The following TIAM2 variants were observed in gnomAD, a reference collection of about 807,000 sequenced individuals.
The protein encoded by TIAM2 is rho guanine nucleotide exchange factor TIAM2.
In TIAM2, 80 loss-of-function variants were observed where a neutral mutation model predicts 152.9. The ratio of observed to expected loss-of-function variants is 0.52; its 90% CI spans 0.44 to 0.63. TIAM2 has a LOEUF of 0.63. Ranked by LOEUF, TIAM2 falls within the 30% of genes least tolerant of loss-of-function variation. TIAM2 has a pLI of 0.00. For synonymous variants in TIAM2, 804 were observed against 838.0 expected (o/e 0.96, Z 0.70); for missense variants, 1,965 against 2,120.1 (o/e 0.93, Z 1.44).
At chr6:155,206,151 C>T (rs1471079663) in intron 14 of TIAM2, among the ~76,000 whole-genome samples, 1 of 152,156 alleles carries the variant, frequency 6.6e-6, no homozygotes, top group East Asian at 1.9e-4. Context: ...AGATGTGTTC[C>T]CCAGTTGTCT....
intron 1 of TIAM2, among the ~76,000 whole-genome samples, chr6:155,057,384 C>T (rs1016057983): frequency 1.3e-5 from 2 of 151,682 alleles, no homozygotes; most frequent in African/African-American, 4.8e-5. Flanking sequence ...TTTGAGAAGA[C>T]CACAGTGGCA....
chr6:155,183,102 ACTTT>A lies in TIAM2; in HGVS notation c.2801-130_2801-127del. 2.6e-6 allele frequency: 3 copies of A among 1,144,292 alleles called. 1 individual carries two copies. In the South Asian group the frequency reaches 4.9e-5, roughly 19 times the overall value. The allele number at this position is 1,144,292 out of a possible 1,614,324, so 70.9% of individuals were successfully genotyped here. A position where few individuals can be genotyped will look rare whatever the true frequency, so the allele number is the denominator to read the frequency against. ...GCACCTGCCACTGTGCCTGGCTGGC[ACTTT>A]CTTTGAAGAAAGCAACAAACAAAAC... On this transcript the variant is annotated intron_variant, in intron 13 of 26. Coordinates refer to ENST00000682666, the MANE Select transcript of TIAM2 (RefSeq NM_012454.4).
intron 2 of TIAM2, among the ~76,000 whole-genome samples, chr6:155,109,436 G>T (rs1778782574): frequency 6.6e-6 from 1 of 152,096 alleles, no homozygotes; most frequent in South Asian, 2.1e-4. Flanking sequence ...CTAGAAAAAA[G>T]ATAAAGGTAT....
At chr6:155,130,725 G>C (rs1180734475) in intron 4 of TIAM2, among the ~76,000 whole-genome samples, 1 of 152,194 alleles carries the variant, frequency 6.6e-6, no homozygotes, top group Non-Finnish European at 1.5e-5. Context: ...TCTGGAGGCT[G>C]GAAGTCAGAG....
intron 2 of TIAM2, among the ~76,000 whole-genome samples, chr6:155,127,194 C>T (rs1242366436): frequency 6.6e-6 from 1 of 152,154 alleles, no homozygotes; most frequent in East Asian, 1.9e-4. Context: ...TTTTCCTGGT[C>T]ATGGTGACAG....
At chr6:155,065,467 G>T (rs117110137) in intron 1 of TIAM2, among the ~76,000 whole-genome samples, 1 of 151,864 alleles carries the variant, frequency 6.6e-6, no homozygotes, top group Non-Finnish European at 1.5e-5. Context: ...TAGATACAAG[G>T]ATTTCAAGTT....
At chr6:155,158,312 CCTTT>C (rs1338755758) in intron 7 of TIAM2, among the ~76,000 whole-genome samples, 5 of 152,144 alleles carry the variant, frequency 3.3e-5, no homozygotes, top group Non-Finnish European at 7.3e-5. Flanking sequence ...GAGACCATAA[CCTTT>C]CTGAGTTCAT....
At position 155,197,879 on chromosome 6, in the gene TIAM2, T is replaced by C. The variant is rs528424254; in HGVS notation, c.3065-13325T>C. The stretch of plus-strand genomic sequence containing the variant: ...GGATTATGGGAACTACAATTCAAGA[T>C]GAGCTTTGGGTGGGAACACAGCCAA... On this transcript the variant is annotated intron_variant, in intron 14 of 26. Transcript: ENST00000682666. 8.5e-5 allele frequency among the ~76,000 whole-genome samples: 13 copies of C among 152,210 alleles called. 2 individuals are homozygous for C. The South Asian group carries it at 1.0e-3, about 12-fold the overall frequency.
At position 154,995,743 on chromosome 6, in the gene TIAM2, C is replaced by A. The variant is rs1343495767; in HGVS notation, c.-209+251C>A. 6.6e-6 allele frequency among the ~76,000 whole-genome samples: 1 copy of A among 152,148 alleles called. No individual in the cohort carries two copies. Among genetic ancestry groups the A allele is most frequent in the Non-Finnish European group, 1.5e-5 (1 of 68,012 alleles). On this transcript the variant is annotated intron_variant, in intron 1 of 26. Coordinates refer to ENST00000682666, the MANE Select transcript of TIAM2 (RefSeq NM_012454.4). This position sits in a 1 kb window ranked among gnomAD's most constrained non-coding sequence, Gnocchi z 5.2. ...CCTGGCACGGGGGACGAAGCACTTT[C>A]CAGAAGGCTCTGAAACTAGGTCCCC... is the stretch of plus-strand genomic sequence containing the variant.
intron 1 of TIAM2, among the ~76,000 whole-genome samples, chr6:155,068,911 G>A (rs912189377): frequency 6.6e-6 from 1 of 151,948 alleles, no homozygotes; most frequent in Non-Finnish European, 1.5e-5. Flanking sequence ...GCCCCTGGTA[G>A]CTGTTAGTAA....
intron 15 of TIAM2, among the ~76,000 whole-genome samples, chr6:155,234,232 T>C (rs541018464): frequency 3.7e-4 from 56 of 152,204 alleles, no homozygotes; most frequent in Non-Finnish European, 7.5e-4. Context: ...ATTCTGCATA[T>C]GCACATCCTG....
At chr6:155,091,220 G>A (rs983816001) in intron 2 of TIAM2, among the ~76,000 whole-genome samples, 1 of 152,070 alleles carries the variant, frequency 6.6e-6, no homozygotes, top group African/African-American at 2.4e-5. Flanking sequence ...ACCACGCCAC[G>A]CTCTCTTAGT....
chr6:155,009,047 G>A (rs930891081), intron 1 of TIAM2, among the ~76,000 whole-genome samples: 7 of 145,598 alleles, frequency 4.8e-5, no homozygotes, highest in African/African-American at 1.0e-4. Context: ...GCTTGCTAAC[G>A]CATAAATCTC....
chr6:155,179,374 G>C lies in TIAM2; in HGVS notation c.2629-4G>C, dbSNP rs1780838358. ...TCTGATTTTGTTGTTTTCACCTTTT[G>C]CAGGTTTATGATGAAATAGAAGTCT... On this transcript the variant is annotated splice_polypyrimidine_tract_variant and splice_region_variant and intron_variant, in intron 11 of 26. Coordinates refer to ENST00000682666, the MANE Select transcript of TIAM2 (RefSeq NM_012454.4). 2.5e-6 allele frequency: 4 copies of C among 1,613,364 alleles called. No individual in the cohort carries two copies. The highest frequency in any genetic ancestry group is 3.4e-6 in the Non-Finnish European group (4 of 1,179,808).
intron 2 of TIAM2, among the ~76,000 whole-genome samples, chr6:155,124,145 A>G (rs1051614835): frequency 1.3e-5 from 2 of 151,748 alleles, no homozygotes; most frequent in African/African-American, 2.4e-5. Context: ...CAGCCTCCCA[A>G]GTAGCTGGGA....
At chr6:155,161,601 T>C (rs1780272714) in intron 7 of TIAM2, among the ~76,000 whole-genome samples, 1 of 150,726 alleles carries the variant, frequency 6.6e-6, no homozygotes, top group Non-Finnish European at 1.5e-5. Flanking sequence ...GGAGTCTCAC[T>C]CTGTTGCCCA....
intron 1 of TIAM2, among the ~76,000 whole-genome samples, chr6:155,079,944 T>C (rs1778026975): frequency 6.6e-6 from 1 of 152,094 alleles, no homozygotes; most frequent in South Asian, 2.1e-4. Flanking sequence ...TGAGACCTTG[T>C]CTCAGAAACA....
At chr6:155,017,659 A>G (rs62434478) in intron 1 of TIAM2, among the ~76,000 whole-genome samples, 37,066 of 151,592 alleles carry the variant, frequency 0.24, 4,986 homozygotes, top group Non-Finnish European at 0.3. Flanking sequence ...ACCTGCCACC[A>G]CGCCCGGCTA....
chr6:155,130,308 A>G lies in TIAM2; in HGVS notation c.1085A>G (p.Lys362Arg). Residue 362 changes from lysine to arginine, a missense_variant, in exon 4 of 27, where the codon AAG (lysine) becomes AGG (arginine). Around this residue, in one of 3 missense-constraint regions of TIAM2, gnomAD observed 1,025 missense variants for 1,119.4 expected, o/e 0.92. Coordinates refer to ENST00000682666, the MANE Select transcript of TIAM2 (RefSeq NM_012454.4). ...QYSSFTLPCR[K>R]PKAFVEDTAK... ...AGTTCCTTCACTCTCCCCTGTCGGAAGCCCAAAGCCTTTGTTGAGGATACT... is the reference window on the plus strand; with the variant it reads ...AGTTCCTTCACTCTCCCCTGTCGGAGGCCCAAAGCCTTTGTTGAGGATACT... 2.5e-6 allele frequency: 4 copies of G among 1,614,168 alleles called. No individual in the cohort carries two copies. The highest frequency in any genetic ancestry group is 2.7e-5 in the African/African-American group (2 of 75,056).
Sources: allele counts gnomAD v4.1 joint callset (sites outside exome capture counted in the v4.1 genomes callset), GRCh38; gene constraint gnomAD v4.1.1; regional missense constraint gnomAD v4.1.1; non-coding constraint Gnocchi (gnomAD v3.1); transcripts MANE v1.5; gene names NCBI Gene and HGNC (gene_info 2026-07-23, HGNC 2026-07-21).